The following HNF4G variants were observed in gnomAD, a reference collection of about 807,000 sequenced individuals.
HNF4G encodes the protein hepatocyte nuclear factor 4 gamma.
In HNF4G, 21 loss-of-function variants were observed where a neutral mutation model predicts 50.9. That is an observed-to-expected ratio of 0.41 (90% CI 0.29 to 0.59). HNF4G has a LOEUF of 0.59. Among genes scored for constraint, HNF4G ranks in the 20% least tolerant of loss-of-function variants. The pLI is 0.26. For missense variants in HNF4G, 527 were observed against 559.4 expected (o/e 0.94, Z 0.58); for synonymous variants, 198 against 185.6 (o/e 1.07, Z -0.54).
At chr8:75,426,251 G>A (rs1001168796) in intron 1 of HNF4G, among the ~76,000 whole-genome samples, 4 of 151,906 alleles carry the variant, frequency 2.6e-5, no homozygotes, top group South Asian at 2.1e-4. Flanking sequence ...TCCATTCCTC[G>A]TGGATTTCGC....
At chr8:75,412,559 C>T (rs1810525319) in intron 1 of HNF4G, among the ~76,000 whole-genome samples, 1 of 152,108 alleles carries the variant, frequency 6.6e-6, no homozygotes, top group East Asian at 1.9e-4. Flanking sequence ...TTAAAAGTAT[C>T]ATTATTTAAT....
chr8:75,493,401 A>G (rs1325983459), intron 2 of HNF4G, among the ~76,000 whole-genome samples: 2 of 152,326 alleles, frequency 1.3e-5, no homozygotes, highest in East Asian at 1.9e-4. Context: ...GGCAAAAGCT[A>G]TAAAGGTATA....
At chr8:75,532,870 G>A (rs576121820) in intron 2 of HNF4G, among the ~76,000 whole-genome samples, 46 of 152,068 alleles carry the variant, frequency 3.0e-4, no homozygotes, top group African/African-American at 1.1e-3. Flanking sequence ...TAAATGTGTA[G>A]GATAATAACT....
chr8:75,532,481 T>C (rs1039319185), intron 2 of HNF4G, among the ~76,000 whole-genome samples: 7 of 152,126 alleles, frequency 4.6e-5, no homozygotes, highest in African/African-American at 1.4e-4. Flanking sequence ...ATTATATTTA[T>C]GTGGGCACCT....
chr8:75,541,073 C>A (rs73690956), intron 1 of HNF4G, among the ~76,000 whole-genome samples: 3,596 of 152,036 alleles, frequency 0.024, 130 homozygotes, highest in East Asian at 0.15. Flanking sequence ...ACCTGTAGTG[C>A]AACTTTCAGG....
At chr8:75,517,948 G>C (rs1462083346) in intron 2 of HNF4G, among the ~76,000 whole-genome samples, 1 of 151,322 alleles carries the variant, frequency 6.6e-6, no homozygotes, top group Non-Finnish European at 1.5e-5. Context: ...CCATACACCC[G>C]CTGAAATCTA....
At chr8:75,503,699 A>G (rs1375560249) in intron 2 of HNF4G, among the ~76,000 whole-genome samples, 1 of 152,164 alleles carries the variant, frequency 6.6e-6, no homozygotes, top group Non-Finnish European at 1.5e-5. Context: ...GAGTCTGACA[A>G]AGAGGAGTGG....
rs191329026 is a variant in HNF4G at position 75,523,585 on chromosome 8, G to T, written c.-23-20226G>T. 2.7e-3 allele frequency among the ~76,000 whole-genome samples: 414 copies of T among 152,198 alleles called. 1 individual carries two copies. The highest frequency in any genetic ancestry group is 9.4e-3 in the African/African-American group (390 of 41,552). Reference sequence around the variant, plus strand: ...AGAGGTATCTATGTGAGTCATTTTAGTGTACGTTAAATGTATGGGGAAACT... The same window carrying T: ...AGAGGTATCTATGTGAGTCATTTTATTGTACGTTAAATGTATGGGGAAACT... On this transcript the variant is annotated intron_variant, in intron 2 of 10. Coordinates refer to the HNF4G transcript ENST00000354370.
At position 75,473,860 on chromosome 8, in the gene HNF4G, TA is replaced by T. The variant is rs369305162; in HGVS notation, c.-143-16218del. Among the ~76,000 whole-genome samples, 1,422 of 143,856 alleles carry T rather than the reference TA, an allele frequency of 9.9e-3. 17 individuals are homozygous for T. The highest frequency in any genetic ancestry group is 0.032 in the African/African-American group (1,247 of 39,468). 94.4% of individuals were successfully genotyped at this position (143,856 alleles called of 152,430 possible). Reference sequence around the variant, plus strand: ...TGGGCACGGTTTGGGTAGATGAGGTTAAAAAAAAAAAGTGAATGTGTGATGA... The same window carrying T: ...TGGGCACGGTTTGGGTAGATGAGGTTAAAAAAAAAAGTGAATGTGTGATGA... On this transcript the variant is annotated intron_variant, in intron 1 of 10. Coordinates refer to the HNF4G transcript ENST00000354370.
At chr8:75,484,875 ATATT>A (rs1482543211) in intron 1 of HNF4G, among the ~76,000 whole-genome samples, 2 of 152,220 alleles carry the variant, frequency 1.3e-5, no homozygotes, top group Non-Finnish European at 2.9e-5. Context: ...AGTAGAAACC[ATATT>A]TATTACATTT....
intron 1 of HNF4G, among the ~76,000 whole-genome samples, chr8:75,440,628 C>T (rs2130545083): frequency 6.6e-6 from 1 of 152,010 alleles, no homozygotes; most frequent in Middle Eastern, 3.4e-3. Context: ...AAAAGGTATA[C>T]CTTGTCCTGA....
At chr8:75,477,896 G>T (rs532523227) in intron 1 of HNF4G, among the ~76,000 whole-genome samples, 5 of 152,176 alleles carry the variant, frequency 3.3e-5, no homozygotes, top group Non-Finnish European at 5.9e-5. Flanking sequence ...GAACCCAGGA[G>T]GGGGAGGCTG....
intron 2 of HNF4G, among the ~76,000 whole-genome samples, chr8:75,506,284 C>G (rs1002225915): frequency 1.3e-5 from 2 of 151,930 alleles, no homozygotes; most frequent in African/African-American, 4.8e-5. Flanking sequence ...AAATAAAGTT[C>G]AGTTTATAAG....
intron 8 of HNF4G, among the ~76,000 whole-genome samples, chr8:75,559,277 GT>G (rs112670281): frequency 2.0e-3 from 84 of 42,740 alleles, no homozygotes; most frequent in African/African-American, 2.5e-3. Flanking sequence ...TTTTTTGTTT[GT>G]TTTTTTTTTT....
chr8:75,448,999 A>G (rs1015734738), intron 1 of HNF4G, among the ~76,000 whole-genome samples: 1 of 152,194 alleles, frequency 6.6e-6, no homozygotes, highest in Non-Finnish European at 1.5e-5. Context: ...ATTTCACAAA[A>G]ACTGAGATTT....
intron 2 of HNF4G, among the ~76,000 whole-genome samples, chr8:75,528,887 G>A (rs982990985): frequency 2.0e-5 from 3 of 152,172 alleles, no homozygotes; most frequent in Middle Eastern, 3.4e-3. Context: ...ACACAGTTCC[G>A]CGTGGCTGGG....
rs187945441 is a variant in HNF4G at position 75,486,479 on chromosome 8, C to T, written c.-143-3610C>T. ...TTATGTACAAAGTAGTAAGCTAAGC[C>T]CTTAGGAAGAAAATAAGATACCTAT... On this transcript the variant is annotated intron_variant, in intron 1 of 10. Coordinates refer to the HNF4G transcript ENST00000354370. Among the ~76,000 whole-genome samples, 234 of 152,098 alleles carry T rather than the reference C, an allele frequency of 1.5e-3. 2 individuals are homozygous for T. Among genetic ancestry groups the T allele is most frequent in the African/African-American group, 5.2e-3 (214 of 41,488 alleles).
chr8:75,513,812 G>A (rs757665209), intron 2 of HNF4G, among the ~76,000 whole-genome samples: 14 of 151,232 alleles, frequency 9.3e-5, no homozygotes, highest in Admixed American at 2.0e-4. Context: ...GAAAGCAAGT[G>A]GACTTTTTAT....
At chr8:75,486,774 C>A (rs1585886425) in intron 1 of HNF4G, among the ~76,000 whole-genome samples, 1 of 152,064 alleles carries the variant, frequency 6.6e-6, no homozygotes. Context: ...GAGGTTGAGC[C>A]GGGAGGATCT....
Sources: gnomAD v4.1 joint callset for allele counts (sites outside exome capture counted in the v4.1 genomes callset) on GRCh38, gnomAD v4.1.1 for gene constraint, MANE v1.5 for transcripts, NCBI Gene and HGNC (gene_info 2026-07-23, HGNC 2026-07-21) for gene names.